Variants in SPACA7 observed in about 807,000 individuals in gnomAD.
SPACA7 encodes sperm acrosome-associated protein 7.
SPACA7 carries 19 observed loss-of-function variants against 26.3 expected under a neutral mutation model. The ratio of observed to expected loss-of-function variants is 0.72; its 90% CI spans 0.50 to 1.06. The LOEUF (loss-of-function observed/expected upper bound fraction) is 1.06. Among genes scored for constraint, SPACA7 ranks in the 50% least tolerant of loss-of-function variants. The pLI, the probability that SPACA7 is intolerant of heterozygous loss-of-function variation, is 0.00. For synonymous variants in SPACA7, 84 were observed against 84.5 expected (o/e 0.99, Z 0.04); for missense variants, 211 against 229.9 (o/e 0.92, Z 0.53).
At chr13:112,424,159 CCCGCCCGAAGGCA>C (rs1876288033) in intron 5 of SPACA7, among the ~76,000 whole-genome samples, 2 of 152,336 alleles carry the variant, frequency 1.3e-5, no homozygotes, top group South Asian at 2.1e-4. Context: ...GCAGCCCCTA[CCCGCCCGAAGGCA>C]CCGCATGTGA....
chr13:112,399,088 T>A lies in SPACA7; in HGVS notation c.264T>A (p.Tyr88Ter), dbSNP rs568604841. The A allele has an allele frequency of 6.2e-7, 1 of 1,609,122 alleles. No homozygotes were observed. The highest frequency in any genetic ancestry group is 2.2e-5 in the East Asian group (1 of 44,870). ...TPLHAGIDEN[Y>*]QAGGSENYHE... ...AAGATGCTGGTATTGATGAGAATTA[T>A]CAAGCTGGTGGTTCTGAGAATTACC... The change falls in exon 4 of 7, where the codon TAT becomes TAA. Residue 88 changes from tyrosine (Y) to a stop codon, truncating the protein, a stop_gained. Coordinates refer to ENST00000283550, the MANE Select transcript of SPACA7 (RefSeq NM_145248.5). LOFTEE classifies it high-confidence loss of function.
chr13:112,394,725 C>T (rs1885123541), intron 2 of SPACA7, among the ~76,000 whole-genome samples: 1 of 152,208 alleles, frequency 6.6e-6, no homozygotes, highest in African/African-American at 2.4e-5. Flanking sequence ...GACTCACTTT[C>T]CTAGTGAAGC....
chr13:112,383,143 AAGAAAG>A (rs1884269836), intron 1 of SPACA7, among the ~76,000 whole-genome samples: 1 of 93,562 alleles, frequency 1.1e-5, no homozygotes, highest in Non-Finnish European at 2.1e-5. Flanking sequence ...GAAAGAAAGA[AAGAAAG>A]AAAGAAAGAA....
In SPACA7 at chr13:112,376,454, G is replaced by A. The variant is rs766887609; in HGVS notation, c.69G>A (p.Glu23=). Reference sequence around the variant, plus strand: ...TGCTGTGCTGTTGGCAAGAAACTGAGCTCCGGCCGAGAACCGTGATTCCAG... The same window carrying A: ...TGCTGTGCTGTTGGCAAGAAACTGAACTCCGGCCGAGAACCGTGATTCCAG... ...VLLLCCWQET[E]LRPRTVIPGS... The change falls in exon 1 of 7, where the codon GAG becomes GAA. Residue 23 remains glutamate (E), a synonymous_variant. Coordinates refer to ENST00000283550, the MANE Select transcript of SPACA7 (RefSeq NM_145248.5). The A allele has an allele frequency of 7.4e-6, 12 of 1,613,544 alleles. No individual in the cohort carries two copies. The South Asian group carries it at 1.1e-4, about 15-fold the overall frequency.
At chr13:112,378,846 A>T in intron 1 of SPACA7, 1 of 439,986 alleles carries the variant, frequency 2.3e-6, no homozygotes, top group South Asian at 1.7e-5. Context: ...TGGTAATATG[A>T]CCAATGTTTC....
At chr13:112,416,565 G>T (rs1886706472) in intron 5 of SPACA7, among the ~76,000 whole-genome samples, 1 of 152,168 alleles carries the variant, frequency 6.6e-6, no homozygotes, top group African/African-American at 2.4e-5. Flanking sequence ...GGGATTACAG[G>T]TGTGAGCCAC....
intron 1 of SPACA7, chr13:112,382,496 A>T: frequency 6.4e-7 from 1 of 1,550,432 alleles, no homozygotes; most frequent in East Asian, 2.4e-5. Flanking sequence ...GGGAATGGGA[A>T]TGAACCCCAA....
intron 1 of SPACA7, among the ~76,000 whole-genome samples, chr13:112,377,218 T>C (rs1883753889): frequency 6.6e-6 from 1 of 152,228 alleles, no homozygotes; most frequent in Admixed American, 6.5e-5. Context: ...GAAGCATTTA[T>C]ATTTTTTGTC....
chr13:112,425,208 A>T (rs1189224134), intron 5 of SPACA7, among the ~76,000 whole-genome samples: 3 of 152,240 alleles, frequency 2.0e-5, no homozygotes, highest in Admixed American at 6.5e-5. Context: ...AGGGTGACAT[A>T]GGCCAGGAGA....
At chr13:112,410,431 G>C (rs1886277498) in intron 5 of SPACA7, among the ~76,000 whole-genome samples, 1 of 151,836 alleles carries the variant, frequency 6.6e-6, no homozygotes, top group South Asian at 2.1e-4. Flanking sequence ...TTGGGTTTTA[G>C]GAGTTTTTAT....
At chr13:112,380,447 A>AAACTT (rs1883981201) in intron 1 of SPACA7, among the ~76,000 whole-genome samples, 1 of 151,862 alleles carries the variant, frequency 6.6e-6, no homozygotes, top group Admixed American at 6.6e-5. Context: ...TAATTCAACA[A>AAACTT]AACTTTGGCC....
intron 5 of SPACA7, among the ~76,000 whole-genome samples, chr13:112,419,339 ACTCACAAGGTCTT>A (rs1886879659): frequency 6.6e-6 from 1 of 152,164 alleles, no homozygotes; most frequent in Admixed American, 6.5e-5. Flanking sequence ...GGGGGCTTGC[ACTCACAAGGTCTT>A]CTCCATAGGT....
In SPACA7 at chr13:112,424,166, G is replaced by A. The variant is rs913335340; in HGVS notation, c.446-8278G>A. ...GAAGCGGAGCAGCCCCTACCCGCCC[G>A]AAGGCACCGCATGTGACCAGCACTG... On this transcript the variant is annotated intron_variant, in intron 5 of 6. Coordinates refer to ENST00000283550, the MANE Select transcript of SPACA7 (RefSeq NM_145248.5). Among the ~76,000 whole-genome samples the A allele has an allele frequency of 3.9e-5, 6 of 152,174 alleles. No homozygotes were observed. In the East Asian group the frequency reaches 7.7e-4, roughly 20 times the overall value.
At chr13:112,426,891 A>G (rs889634224) in intron 5 of SPACA7, among the ~76,000 whole-genome samples, 2 of 152,224 alleles carry the variant, frequency 1.3e-5, no homozygotes, top group East Asian at 3.9e-4. Context: ...CTTGCCCTGT[A>G]TCACTAGTTA....
At chr13:112,397,314 C>T (rs866888768) in intron 2 of SPACA7, among the ~76,000 whole-genome samples, 97 of 152,284 alleles carry the variant, frequency 6.4e-4, no homozygotes, top group African/African-American at 2.3e-3. Flanking sequence ...GACCCACTGC[C>T]CAGCCCAGCA....
At chr13:112,405,709 T>C (rs1885945549) in intron 5 of SPACA7, among the ~76,000 whole-genome samples, 1 of 152,206 alleles carries the variant, frequency 6.6e-6, no homozygotes, top group Non-Finnish European at 1.5e-5. Context: ...TTAAGTCTCC[T>C]CTTACATTTT....
At chr13:112,432,865 C>T (rs1877301735) in intron 6 of SPACA7, among the ~76,000 whole-genome samples, 1 of 152,210 alleles carries the variant, frequency 6.6e-6, no homozygotes, top group Admixed American at 6.5e-5. Flanking sequence ...CGGGAGCCTG[C>T]TCCCCCATGA....
chr13:112,407,370 A>C (rs914691265), intron 5 of SPACA7, among the ~76,000 whole-genome samples: 1 of 152,334 alleles, frequency 6.6e-6, no homozygotes, highest in African/African-American at 2.4e-5. Flanking sequence ...CTAAGATCAG[A>C]GCAGAACTGA....
At position 112,396,461 on chromosome 13, in the gene SPACA7, G is replaced by A. The variant is rs369446687; in HGVS notation, c.152-1588G>A. On this transcript the variant is annotated intron_variant, in intron 2 of 6. Transcript: ENST00000283550. The stretch of plus-strand genomic sequence containing the variant: ...TGACCTGCTGTGCCTGGTCACGGCT[G>A]TAGAATGCTGCCTCCTGGACATGGC... 1.2e-3 allele frequency among the ~76,000 whole-genome samples: 190 copies of A among 152,180 alleles called. 1 individual carries two copies. The highest frequency in any genetic ancestry group is 3.8e-3 in the African/African-American group (158 of 41,466).
Sources: gnomAD v4.1 joint callset for allele counts (sites outside exome capture counted in the v4.1 genomes callset) on GRCh38, gnomAD v4.1.1 for gene constraint, MANE v1.5 for transcripts, NCBI Gene and HGNC (gene_info 2026-07-23, HGNC 2026-07-21) for gene names.